Variants in PCDHA13 observed in about 807,000 individuals in gnomAD.
PCDHA13 encodes protocadherin alpha-13.
PCDHA13 carries 54 observed loss-of-function variants against 64.8 expected under a neutral mutation model. The ratio of observed to expected loss-of-function variants is 0.83; its 90% CI spans 0.67 to 1.04. The LOEUF (loss-of-function observed/expected upper bound fraction) is 1.04, where lower values mean the gene tolerates loss of function less well. PCDHA13 is among the 50% of genes least tolerant of loss of function. The probability of loss-of-function intolerance (pLI) is 0.00; values close to 1 mark genes in which losing one functional copy is unlikely to be tolerated. For synonymous variants in PCDHA13, 587 were observed against 564.4 expected, an observed-to-expected ratio of 1.04 and a Z score of -0.57; for missense variants, 1,248 against 1,254.3, an observed-to-expected ratio of 0.99 and a Z score of 0.08.
At chr5:140,958,326 A>T (rs1440413634) in intron 1 of PCDHA13, among the ~76,000 whole-genome samples, 1 of 152,150 alleles carries the variant, frequency 6.6e-6, no homozygotes, top group Non-Finnish European at 1.5e-5. Flanking sequence ...CTCAAAAAAT[A>T]AATAAATCAC....
At chr5:140,939,593 T>C (rs1554212802) in intron 1 of PCDHA13, among the ~76,000 whole-genome samples, 1 of 152,198 alleles carries the variant, frequency 6.6e-6, no homozygotes, top group African/African-American at 2.4e-5. Flanking sequence ...TAACATACCT[T>C]GCTCAAAAAC....
chr5:140,926,652 C>T, intron 1 of PCDHA13: 1 of 499,312 alleles, frequency 2.0e-6, no homozygotes, highest in East Asian at 3.6e-5. Flanking sequence ...CGGCCGGCTC[C>T]GCTTTCCCAG....
intron 1 of PCDHA13, among the ~76,000 whole-genome samples, chr5:140,897,318 A>T (rs1420123207): frequency 1.4e-5 from 2 of 145,668 alleles, no homozygotes; most frequent in African/African-American, 2.5e-5. Flanking sequence ...TATCTCCTAA[A>T]GCTATCCCTC....
At chr5:141,006,993 T>A (rs1484865636) in intron 3 of PCDHA13, among the ~76,000 whole-genome samples, 5 of 152,290 alleles carry the variant, frequency 3.3e-5, no homozygotes, top group African/African-American at 4.8e-5. Flanking sequence ...GCTTAAAATA[T>A]AAGTCTGCAT....
At chr5:140,966,631 G>A in intron 1 of PCDHA13, 1 of 995,532 alleles carries the variant, frequency 1.0e-6, no homozygotes, top group Non-Finnish European at 1.4e-6. Flanking sequence ...AGCGGCCCCA[G>A]GCGCTTTCTA....
chr5:140,952,010 C>A (rs1188540877), intron 1 of PCDHA13, among the ~76,000 whole-genome samples: 2 of 152,128 alleles, frequency 1.3e-5, no homozygotes, highest in Non-Finnish European at 2.9e-5. Flanking sequence ...GAATTATAGG[C>A]CCCATGCAAG....
chr5:140,927,031 GC>G, intron 1 of PCDHA13: 6 of 1,612,410 alleles, frequency 3.7e-6, no homozygotes, highest in Non-Finnish European at 5.1e-6. Flanking sequence ...GAGGCTGCCA[GC>G]GGCCGCTATG....
At chr5:140,946,573 A>C (rs1272286008) in intron 1 of PCDHA13, among the ~76,000 whole-genome samples, 1 of 147,140 alleles carries the variant, frequency 6.8e-6, no homozygotes, top group African/African-American at 2.6e-5. Flanking sequence ...GAATCAACTT[A>C]GGTGTTCATA....
intron 1 of PCDHA13, among the ~76,000 whole-genome samples, chr5:140,915,400 T>C (rs1554196884): frequency 6.6e-6 from 1 of 152,224 alleles, no homozygotes; most frequent in East Asian, 1.9e-4. Context: ...GTATTTCTTA[T>C]AGTCTTTGCA....
At chr5:140,975,364 C>G (rs2096664243) in intron 1 of PCDHA13, among the ~76,000 whole-genome samples, 1 of 152,204 alleles carries the variant, frequency 6.6e-6, no homozygotes, top group South Asian at 2.1e-4. Flanking sequence ...TGCTACATAG[C>G]ATAATGTAAT....
chr5:140,950,605 A>T (rs1199751655), intron 1 of PCDHA13, among the ~76,000 whole-genome samples: 1 of 151,926 alleles, frequency 6.6e-6, no homozygotes, highest in Non-Finnish European at 1.5e-5. Flanking sequence ...TTTGACTATG[A>T]TGTGCTTATT....
chr5:140,946,377 T>C (rs1554217528), intron 1 of PCDHA13, among the ~76,000 whole-genome samples: 1 of 151,764 alleles, frequency 6.6e-6, no homozygotes, highest in African/African-American at 2.4e-5. Flanking sequence ...TTGCACACGG[T>C]TGGTAGGAAT....
Position 140,884,639 on chromosome 5 carries a change from G to A in PCDHA13, c.2371G>A (p.Glu791Lys), listed in dbSNP as rs781835096. ...GSAEGTGQREEDSECLKEPRQ... is the reference protein window; with the variant it reads ...GSAEGTGQREKDSECLKEPRQ... ...TGCAGAGGGAACAGGCCAGAGGGAG[G>A]AGGACTCAGAATGCTTGAAAGAGGT... Residue 791 changes from glutamate to lysine, a missense_variant, in exon 1 of 4, where the codon GAG becomes AAG. Physicochemically the swap from Glu to Lys is moderately conservative, Grantham distance 56. Coordinates refer to ENST00000289272, the MANE Select transcript of PCDHA13 (RefSeq NM_018904.3). 55 of 1,610,606 alleles carry A rather than the reference G, an allele frequency of 3.4e-5. No homozygotes were observed. The South Asian group carries it at 5.6e-4, about 16-fold the overall frequency.
At chr5:140,903,076 C>T (rs1479702171) in intron 1 of PCDHA13, among the ~76,000 whole-genome samples, 1 of 152,122 alleles carries the variant, frequency 6.6e-6, no homozygotes, top group Admixed American at 6.5e-5. Flanking sequence ...GGGTAGATAC[C>T]TGATAGTGGC....
intron 3 of PCDHA13, among the ~76,000 whole-genome samples, chr5:140,992,037 G>A (rs2153898781): frequency 6.6e-6 from 1 of 152,006 alleles, no homozygotes; most frequent in East Asian, 1.9e-4. Context: ...GTGTGTGTGT[G>A]TGTGTGTGTG....
chr5:140,984,243 C>T (rs781830326), intron 3 of PCDHA13, among the ~76,000 whole-genome samples: 2 of 152,246 alleles, frequency 1.3e-5, no homozygotes, highest in Non-Finnish European at 2.9e-5. Context: ...CATTGTAGGT[C>T]GACCTGGTAA....
chr5:140,967,029 G>A, intron 1 of PCDHA13: 1 of 1,609,056 alleles, frequency 6.2e-7, no homozygotes, highest in Non-Finnish European at 8.5e-7. Flanking sequence ...CCCAGTCCGC[G>A]CTACCTGGAG....
At chr5:140,929,051 G>A (rs1398009156) in intron 1 of PCDHA13, 2 of 1,614,170 alleles carry the variant, frequency 1.2e-6, no homozygotes, top group South Asian at 1.1e-5. Flanking sequence ...AGCTGCTGTC[G>A]CTCTACAGAG....
chr5:140,944,582 C>T (rs1273246926), intron 1 of PCDHA13, among the ~76,000 whole-genome samples: 1 of 152,146 alleles, frequency 6.6e-6, no homozygotes, highest in Non-Finnish European at 1.5e-5. Flanking sequence ...GAGATCACTT[C>T]AGAATTTCCC....
Sources: allele counts gnomAD v4.1 joint callset (sites outside exome capture counted in the v4.1 genomes callset), GRCh38; gene constraint gnomAD v4.1.1; transcripts MANE v1.5; gene names NCBI Gene and HGNC (gene_info 2026-07-23, HGNC 2026-07-21).